Variants in SCFD1 observed in about 807,000 individuals in gnomAD.
SCFD1 encodes sec1 family domain-containing protein 1.
A neutral mutation model predicts 103.2 loss-of-function variants in SCFD1; 37 were observed. The ratio of observed to expected loss-of-function variants is 0.36; its 90% CI spans 0.28 to 0.47. SCFD1 has a LOEUF of 0.47. Ranked by LOEUF, SCFD1 falls within the 20% of genes least tolerant of loss-of-function variation. The pLI is 1.00. For synonymous variants in SCFD1, 264 were observed against 245.0 expected (o/e 1.08, Z -0.73); for missense variants, 639 against 761.2 (o/e 0.84, Z 1.89).
chr14:30,691,190 A>G (rs1166846121), intron 14 of SCFD1, among the ~76,000 whole-genome samples: 4 of 152,242 alleles, frequency 2.6e-5, no homozygotes, highest in Non-Finnish European at 4.4e-5. Flanking sequence ...TCTTGAACAA[A>G]TACATGTTTC....
At chr14:30,704,335 A>G (rs566686840) in intron 17 of SCFD1, among the ~76,000 whole-genome samples, 79 of 152,206 alleles carry the variant, frequency 5.2e-4, no homozygotes, top group African/African-American at 1.8e-3. Context: ...CACTGCACCC[A>G]GCCAGATATT....
upstream of SCFD1, chr14:30,622,288 G>A (rs781228819): frequency 7.2e-5 from 114 of 1,590,950 alleles, 1 homozygote; most frequent in Admixed American, 1.9e-3. Flanking sequence ...GGGCAGCCAC[G>A]TCATCCCCCC....
At chr14:30,720,680 A>G (rs546140410) in intron 21 of SCFD1, among the ~76,000 whole-genome samples, 3 of 152,298 alleles carry the variant, frequency 2.0e-5, no homozygotes, top group African/African-American at 7.2e-5. Context: ...TACTGTTTAT[A>G]TAGCATTTAC....
intron 14 of SCFD1, chr14:30,683,051 C>G (rs1889616705): frequency 7.4e-7 from 1 of 1,359,532 alleles, no homozygotes; most frequent in African/African-American, 1.5e-5. Context: ...TGGGTCAGGG[C>G]TCCTGACTGG....
chr14:30,637,275 C>T (rs1442653372), intron 4 of SCFD1, among the ~76,000 whole-genome samples: 1 of 152,082 alleles, frequency 6.6e-6, no homozygotes, highest in East Asian at 1.9e-4. Flanking sequence ...TTCACTCTAG[C>T]GTTTCCCTTT....
chr14:30,638,016 C>T, intron 4 of SCFD1, 109 bp from the exon 5 acceptor site: 3 of 1,298,546 alleles, frequency 2.3e-6, no homozygotes, highest in Non-Finnish European at 3.0e-6. Context: ...TTTTGATTGT[C>T]ATTTAAATAT....
Position 30,700,176 on chromosome 14 carries a change from T to A in SCFD1, c.1340-12T>A. On this transcript the variant is annotated splice_polypyrimidine_tract_variant and intron_variant, in intron 15 of 24. Coordinates refer to ENST00000458591, the MANE Select transcript of SCFD1 (RefSeq NM_016106.4). The stretch of plus-strand genomic sequence containing the variant: ...TATGAAAATATTTTTTAACCTCTTT[T>A]CCCCTATGCAGCAGGAACTCCAGAA... 1 of 1,590,930 alleles carries A rather than the reference T, an allele frequency of 6.3e-7. No individual in the cohort carries two copies. Among genetic ancestry groups the A allele is most frequent in the Non-Finnish European group, 8.6e-7 (1 of 1,160,744 alleles).
intron 6 of SCFD1, among the ~76,000 whole-genome samples, chr14:30,642,755 A>G (rs1309782214): frequency 6.6e-6 from 1 of 152,182 alleles, no homozygotes; most frequent in Non-Finnish European, 1.5e-5. Context: ...GTAAGTTTAC[A>G]TCGTGGGGTT....
chr14:30,707,733 C>A, intron 18 of SCFD1: 1 of 445,372 alleles, frequency 2.2e-6, no homozygotes, highest in South Asian at 2.0e-5. Flanking sequence ...ATTTTGAGGG[C>A]AGCTCTTTAT....
At chr14:30,691,805 A>G (rs986246568) in intron 14 of SCFD1, among the ~76,000 whole-genome samples, 7 of 152,210 alleles carry the variant, frequency 4.6e-5, no homozygotes, top group African/African-American at 1.7e-4. Flanking sequence ...TGATGTTAAT[A>G]AGTAAGTTAC....
intron 1 of SCFD1, among the ~76,000 whole-genome samples, chr14:30,623,362 C>T (rs996500776): frequency 1.3e-5 from 2 of 152,118 alleles, no homozygotes; most frequent in Admixed American, 1.3e-4. Context: ...TACTTGATTC[C>T]TTCCTTTGGC....
In SCFD1 at chr14:30,735,784, C is replaced by T. The variant is rs1231956143; in HGVS notation, c.*175C>T. The stretch of plus-strand genomic sequence containing the variant: ...CTTAATATGTATTGATTAAAAGAAA[C>T]ATTTCAGAAATAAAATTTCAACATT... On this transcript the variant is annotated 3_prime_UTR_variant, in exon 25 of 25. Coordinates refer to ENST00000458591, the MANE Select transcript of SCFD1 (RefSeq NM_016106.4). 1 of 461,738 alleles carries T rather than the reference C, an allele frequency of 2.2e-6. No homozygotes were observed. 28.6% of individuals were successfully genotyped at this position (461,738 alleles called of 1,614,324 possible).
chr14:30,664,810 A>T (rs553866591), intron 10 of SCFD1, among the ~76,000 whole-genome samples: 16 of 152,346 alleles, frequency 1.1e-4, no homozygotes, highest in African/African-American at 3.8e-4. Flanking sequence ...TGAAGATCAA[A>T]TTAACGATAT....
At chr14:30,732,999 G>C (rs1296185753) in intron 23 of SCFD1, among the ~76,000 whole-genome samples, 3 of 150,450 alleles carry the variant, frequency 2.0e-5, no homozygotes, top group East Asian at 1.9e-4. Context: ...TATAAAGTTC[G>C]ATTTTTTTTT....
chr14:30,634,158 T>G, intron 4 of SCFD1, 121 bp downstream of exon 4: 1 of 597,774 alleles, frequency 1.7e-6, no homozygotes, highest in Non-Finnish European at 3.0e-6. Context: ...CTCACTCTGA[T>G]TTTTGAGACT....
At chr14:30,684,822 TATTATACTCTAAG>T (rs1889834611) in intron 14 of SCFD1, among the ~76,000 whole-genome samples, 13 of 138,618 alleles carry the variant, frequency 9.4e-5, no homozygotes, top group East Asian at 2.1e-4. Context: ...TTTTTTTTTT[TATTATACTCTAAG>T]TTTTAGGGTA....
At chr14:30,705,480 A>G (rs1891407085) in intron 17 of SCFD1, among the ~76,000 whole-genome samples, 1 of 152,172 alleles carries the variant, frequency 6.6e-6, no homozygotes, top group Non-Finnish European at 1.5e-5. Context: ...TGCTTCTTTA[A>G]GAATTTCAGG....
intron 15 of SCFD1, 143 bp downstream of exon 15, chr14:30,695,012 A>G: frequency 7.0e-7 from 1 of 1,430,006 alleles, no homozygotes; most frequent in Non-Finnish European, 9.2e-7. Flanking sequence ...ATTTTCTGGT[A>G]AAATTTTATA....
At chr14:30,636,401 T>C (rs1884724600) in intron 4 of SCFD1, among the ~76,000 whole-genome samples, 1 of 152,128 alleles carries the variant, frequency 6.6e-6, no homozygotes, top group Non-Finnish European at 1.5e-5. Context: ...GCATTATTTT[T>C]ATATATGGTG....
Sources: gnomAD v4.1 joint callset for allele counts (sites outside exome capture counted in the v4.1 genomes callset) on GRCh38, gnomAD v4.1.1 for gene constraint, MANE v1.5 for transcripts, NCBI Gene and HGNC (gene_info 2026-07-23, HGNC 2026-07-21) for gene names.